The following TANC2 variants were observed in gnomAD, a reference collection of about 807,000 sequenced individuals.
The protein encoded by TANC2 is protein TANC2.
Under a neutral mutation model 210.5 loss-of-function variants are expected in TANC2, and 26 were observed. The ratio of observed to expected loss-of-function variants is 0.12; its 90% CI spans 0.09 to 0.17. The LOEUF is 0.17. Among genes scored for constraint, TANC2 ranks in the 10% least tolerant of loss-of-function variants. The probability of loss-of-function intolerance (pLI) is 1.00; values close to 1 mark genes in which losing one functional copy is unlikely to be tolerated. For missense variants in TANC2, 2,129 were observed against 2,608.9 expected, an observed-to-expected ratio of 0.82 and a Z score of 4.01; for synonymous variants, 931 against 967.1, an observed-to-expected ratio of 0.96 and a Z score of 0.69.
chr17:63,168,814 C>T (rs1276812207), intron 5 of TANC2, among the ~76,000 whole-genome samples: 1 of 150,230 alleles, frequency 6.7e-6, no homozygotes, highest in Non-Finnish European at 1.5e-5. Context: ...ATATCCGTTA[C>T]TCACTTACTG....
At chr17:63,315,631 A>G (rs890895444) in intron 10 of TANC2, among the ~76,000 whole-genome samples, 2 of 152,376 alleles carry the variant, frequency 1.3e-5, no homozygotes, top group Middle Eastern at 6.8e-3. Flanking sequence ...TCAATAATCT[A>G]GCCCACCACA....
chr17:63,297,641 A>C (rs1216863235), intron 9 of TANC2, among the ~76,000 whole-genome samples: 1 of 152,182 alleles, frequency 6.6e-6, no homozygotes, highest in East Asian at 1.9e-4. Context: ...TCATGACCTT[A>C]GATTGGGCAA....
Position 63,395,763 on chromosome 17 carries a change from C to T in TANC2, c.3072C>T (p.Asn1024=), listed in dbSNP as rs371487054. 21 of 1,613,312 alleles carry T rather than the reference C, an allele frequency of 1.3e-5. 1 individual carries two copies. The South Asian group carries it at 2.0e-4, about 15-fold the overall frequency. The change falls in exon 18 of 28, where the codon AAC becomes AAT. Residue 1024 remains asparagine (N), a synonymous_variant. Transcript: ENST00000689528. ...CTTAGGTGGATCATTTGGATAAGAACGGGCAGTGTGCTTTGGTTCATGCTG... is the reference window on the plus strand; with the variant it reads ...CTTAGGTGGATCATTTGGATAAGAATGGGCAGTGTGCTTTGGTTCATGCTG...
Position 63,354,846 on chromosome 17 carries a change from A to G in TANC2, c.2038A>G (p.Ile680Val), listed in dbSNP as rs748976038. Residue 680 changes from isoleucine (I) to valine (V), a missense_variant, in exon 14 of 28, where the codon ATA (isoleucine) becomes GTA (valine). Ile to Val is a conservative substitution (Grantham distance 29, BLOSUM62 3). Transcript: ENST00000689528. ...GGATCGACTAGAAGAGAATGAAGCCATAGACCAGGACCTGCAGGCTTACAT... is the reference window on the plus strand; with the variant it reads ...GGATCGACTAGAAGAGAATGAAGCCGTAGACCAGGACCTGCAGGCTTACAT... 12 of 1,612,352 alleles carry G rather than the reference A, an allele frequency of 7.4e-6. No homozygotes were observed. In the South Asian group the frequency reaches 9.9e-5, roughly 13 times the overall value.
chr17:63,004,201 A>G (rs532254746), intron 1 of TANC2, among the ~76,000 whole-genome samples: 1 of 152,148 alleles, frequency 6.6e-6, no homozygotes, highest in Non-Finnish European at 1.5e-5. Context: ...TTATCTGAAG[A>G]TCCTCAACTG....
intron 9 of TANC2, among the ~76,000 whole-genome samples, chr17:63,313,953 C>T (rs2045218918): frequency 6.6e-6 from 1 of 152,194 alleles, no homozygotes. Context: ...TGCCCCGCCA[C>T]AGCCTGGCCT....
intron 14 of TANC2, 115 bp from the exon 15 acceptor site, chr17:63,379,603 A>T (rs1474793498): frequency 5.9e-6 from 4 of 673,980 alleles, no homozygotes; most frequent in Non-Finnish European, 7.2e-6. Flanking sequence ...CAAGAGGTGG[A>T]GGCTGCAGTG....
At chr17:63,118,143 A>C (rs1475860874) in intron 4 of TANC2, among the ~76,000 whole-genome samples, 2 of 152,190 alleles carry the variant, frequency 1.3e-5, no homozygotes. Context: ...CCTTTTTTAA[A>C]AAATAACAAT....
intron 2 of TANC2, among the ~76,000 whole-genome samples, chr17:63,068,625 C>CAA (rs1568359741): frequency 6.6e-5 from 10 of 151,284 alleles, no homozygotes; most frequent in African/African-American, 2.4e-4. Context: ...AAAATGAATT[C>CAA]GACAGATAAA....
intron 5 of TANC2, among the ~76,000 whole-genome samples, chr17:63,186,257 C>A (rs1306628697): frequency 6.6e-6 from 1 of 151,856 alleles, no homozygotes; most frequent in Non-Finnish European, 1.5e-5. Context: ...TTCCATTGAC[C>A]ACCTTTTTAT....
At chr17:63,286,454 A>G (rs889194643) in intron 9 of TANC2, among the ~76,000 whole-genome samples, 1 of 152,110 alleles carries the variant, frequency 6.6e-6, no homozygotes, top group Non-Finnish European at 1.5e-5. Context: ...TCTCACTTGC[A>G]TTATTTGTGA....
chr17:63,072,803 T>C (rs943637947), intron 2 of TANC2, among the ~76,000 whole-genome samples: 1 of 152,188 alleles, frequency 6.6e-6, no homozygotes, highest in African/African-American at 2.4e-5. Context: ...AGAGAATAGT[T>C]GATATATATA....
chr17:63,205,362 A>AAAAAAAAAAAAAAAAAAAAAAAAAAAAAC (rs2041672754), intron 7 of TANC2, among the ~76,000 whole-genome samples: 1 of 147,568 alleles, frequency 6.8e-6, no homozygotes, highest in Non-Finnish European at 1.5e-5. Context: ...AAAAAAAAAA[A>AAAAAAAAAAAAAAAAAAAAAAAAAAAAAC]AAAAAAAAAA....
At chr17:63,048,119 GAGA>G (rs1204829251) in intron 2 of TANC2, among the ~76,000 whole-genome samples, 1 of 152,056 alleles carries the variant, frequency 6.6e-6, no homozygotes, top group Non-Finnish European at 1.5e-5. Flanking sequence ...CCTGCTTTAG[GAGA>G]AGATTAAAAA....
At chr17:63,083,368 C>T (rs2036847352) in intron 3 of TANC2, among the ~76,000 whole-genome samples, 1 of 152,154 alleles carries the variant, frequency 6.6e-6, no homozygotes, top group Non-Finnish European at 1.5e-5. Context: ...TCCCTTCTCT[C>T]AGACTTCAGG....
intron 2 of TANC2, among the ~76,000 whole-genome samples, chr17:63,049,928 C>G (rs1444195117): frequency 2.0e-5 from 3 of 152,046 alleles, no homozygotes; most frequent in Non-Finnish European, 4.4e-5. Flanking sequence ...AAGGATGACT[C>G]CACGGTTTTT....
At chr17:63,234,115 G>T (rs1682140016) in intron 7 of TANC2, among the ~76,000 whole-genome samples, 1 of 152,152 alleles carries the variant, frequency 6.6e-6, no homozygotes, top group Non-Finnish European at 1.5e-5. Context: ...TAATAGTTCA[G>T]TACCTATTTA....
rs191879354 is a variant in TANC2 at position 63,177,829 on chromosome 17, T to G, written c.434-16162T>G. Among the ~76,000 whole-genome samples, 302 of 152,318 alleles carry G rather than the reference T, an allele frequency of 2.0e-3. 7 individuals carry two copies. The highest frequency in any genetic ancestry group is 0.02 in the Admixed American group (300 of 15,302). On this transcript the variant is annotated intron_variant, in intron 5 of 27. Transcript: ENST00000689528. ...CAGGCACATTTCAAGCCTCTCCTCGTAAGATCGCATTGTCCAAATAAAGTC... is the reference window on the plus strand; with the variant it reads ...CAGGCACATTTCAAGCCTCTCCTCGGAAGATCGCATTGTCCAAATAAAGTC...
chr17:63,385,375 C>G (rs2047745370), intron 15 of TANC2, among the ~76,000 whole-genome samples: 1 of 152,192 alleles, frequency 6.6e-6, no homozygotes, highest in Non-Finnish European at 1.5e-5. Flanking sequence ...GGAGTCACAG[C>G]TAAGCTTCCT....
Sources: gnomAD v4.1 joint callset for allele counts (sites outside exome capture counted in the v4.1 genomes callset) on GRCh38, gnomAD v4.1.1 for gene constraint, MANE v1.5 for transcripts, NCBI Gene and HGNC (gene_info 2026-07-23, HGNC 2026-07-21) for gene names.